ACTL8: variants seen among roughly 807,000 people sequenced by gnomAD.
ACTL8 encodes the protein actin like 8.
ACTL8 carries 3 observed loss-of-function variants against 9.3 expected under a neutral mutation model. The ratio of observed to expected loss-of-function variants is 0.32; its 90% CI spans 0.15 to 0.83. The LOEUF is 0.83. Ranked by LOEUF, ACTL8 falls within the 40% of genes least tolerant of loss-of-function variation. ACTL8 has a pLI of 0.57. For missense variants in ACTL8, 381 were observed against 492.2 expected (o/e 0.77, Z 2.14); for synonymous variants, 224 against 205.9 (o/e 1.09, Z -0.75).
chr1:17,823,850 C>G lies in ACTL8; in HGVS notation c.348+494C>G, dbSNP rs1261801250. ...GGGGAGCTCACGGAGGCCCCACCTGCAGACGGACATGCAGCAACCAACGTG... is the reference window on the plus strand; with the variant it reads ...GGGGAGCTCACGGAGGCCCCACCTGGAGACGGACATGCAGCAACCAACGTG... On this transcript the variant is annotated intron_variant, in intron 2 of 2. Coordinates refer to ENST00000375406, the MANE Select transcript of ACTL8 (RefSeq NM_030812.3). The surrounding 1 kb of genome is among the most constrained non-coding windows in gnomAD (Gnocchi z 5.3). Among the ~76,000 whole-genome samples the G allele has an allele frequency of 6.6e-6, 1 of 152,198 alleles. No homozygotes were observed. The highest frequency in any genetic ancestry group is 1.5e-5 in the Non-Finnish European group (1 of 68,034).
intron 1 of ACTL8, among the ~76,000 whole-genome samples, chr1:17,790,615 C>T (rs2066232018): frequency 6.6e-6 from 1 of 152,200 alleles, no homozygotes. Flanking sequence ...CCAGAAAAGG[C>T]ACCACAAGTT....
intron 1 of ACTL8, among the ~76,000 whole-genome samples, chr1:17,798,986 C>T (rs532948941): frequency 5.3e-5 from 8 of 152,340 alleles, no homozygotes; most frequent in South Asian, 4.1e-4. Flanking sequence ...CACTCACGAG[C>T]GAGCTCTCCA....
chr1:17,769,309 T>C (rs1272852886), intron 1 of ACTL8, among the ~76,000 whole-genome samples: 1 of 152,016 alleles, frequency 6.6e-6, no homozygotes, highest in Non-Finnish European at 1.5e-5. Context: ...GGGGAGACTT[T>C]CTCCTTGTCA....
rs3063168 is a variant in ACTL8 at position 17,796,306 on chromosome 1, C to CTGTGTGTGTGTG, written c.-24-26659_-24-26648dup. On this transcript the variant is annotated intron_variant, in intron 1 of 2. Coordinates refer to ENST00000375406, the MANE Select transcript of ACTL8 (RefSeq NM_030812.3). The stretch of plus-strand genomic sequence containing the variant: ...AGGATGGCTCTGTGCATGCGTGCAC[C>CTGTGTGTGTGTG]TGTGTGTGTGTGTGTGTGTGTGTGT... Among the ~76,000 whole-genome samples, 335 of 148,046 alleles carry CTGTGTGTGTGTG rather than the reference C, an allele frequency of 2.3e-3. 1 individual carries two copies. The highest frequency in any genetic ancestry group is 4.8e-3 in the African/African-American group (192 of 40,252).
At chr1:17,801,188 T>G (rs908984821) in intron 1 of ACTL8, among the ~76,000 whole-genome samples, 2 of 152,222 alleles carry the variant, frequency 1.3e-5, no homozygotes, top group African/African-American at 4.8e-5. Context: ...ATGACAGCTC[T>G]ATAGAGCTAG....
At chr1:17,817,189 A>ATTTTTTTTTTT in intron 1 of ACTL8, among the ~76,000 whole-genome samples, 1 of 136,818 alleles carries the variant, frequency 7.3e-6, no homozygotes, top group Non-Finnish European at 1.6e-5. Flanking sequence ...CCTTAATGCC[A>ATTTTTTTTTTT]TTTTTTTTTT....
chr1:17,776,038 CTCACCCAGG>C (rs1039897635), intron 1 of ACTL8, among the ~76,000 whole-genome samples: 5 of 152,202 alleles, frequency 3.3e-5, no homozygotes, highest in African/African-American at 1.2e-4. Context: ...AGTGAAGTCT[CTCACCCAGG>C]TCACATAGCC....
At chr1:17,825,555 G>A (rs936152501) in intron 2 of ACTL8, among the ~76,000 whole-genome samples, 1 of 152,126 alleles carries the variant, frequency 6.6e-6, no homozygotes, top group Non-Finnish European at 1.5e-5. Context: ...GAACAGCCAC[G>A]ACCAGACAAG....
At chr1:17,756,451 T>C (rs1331855723) in intron 1 of ACTL8, among the ~76,000 whole-genome samples, 1 of 152,192 alleles carries the variant, frequency 6.6e-6, no homozygotes, top group Non-Finnish European at 1.5e-5. Flanking sequence ...CCATCTCAGC[T>C]CTGTGGGTTG....
chr1:17,802,241 A>T (rs2066326915), intron 1 of ACTL8, among the ~76,000 whole-genome samples: 1 of 152,146 alleles, frequency 6.6e-6, no homozygotes, highest in South Asian at 2.1e-4. Context: ...TGTCGACAGC[A>T]CTACATACAA....
At position 17,826,154 on chromosome 1, in the gene ACTL8, G is replaced by T; in HGVS notation, c.736G>T (p.Val246Leu). ...NTYQLPDGSR[V>L]ELTPMQRVAP... ...CTATCAGCTCCCAGACGGCTCCCGC[G>T]TGGAGCTGACCCCCATGCAGCGGGT... is the stretch of plus-strand genomic sequence containing the variant. Residue 246 changes from valine (V) to leucine (L), a missense_variant, in exon 3 of 3, where the codon GTG becomes TTG. Val to Leu is a conservative substitution (Grantham distance 32). Around this residue, in one of 3 missense-constraint regions of ACTL8, gnomAD observed 243 missense variants for 276.2 expected, o/e 0.88. Transcript: ENST00000375406. The surrounding 1 kb of genome is among the most constrained non-coding windows in gnomAD (Gnocchi z 4.5). The T allele has an allele frequency of 6.2e-7, 1 of 1,612,240 alleles. No individual in the cohort carries two copies.
At chr1:17,812,675 T>C (rs2066401423) in intron 1 of ACTL8, among the ~76,000 whole-genome samples, 1 of 151,474 alleles carries the variant, frequency 6.6e-6, no homozygotes, top group South Asian at 2.1e-4. Flanking sequence ...TGTATTTTAG[T>C]AGAGATGGGG....
At chr1:17,808,537 T>A (rs527924942) in intron 1 of ACTL8, among the ~76,000 whole-genome samples, 1 of 152,236 alleles carries the variant, frequency 6.6e-6, no homozygotes, top group Admixed American at 6.5e-5. Context: ...CTGTCACTTC[T>A]CTAAGCCTCA....
Position 17,823,586 on chromosome 1 carries a change from A to G in ACTL8, c.348+230A>G, listed in dbSNP as rs1191059124. 6.6e-6 allele frequency among the ~76,000 whole-genome samples: 1 copy of G among 152,102 alleles called. No individual in the cohort carries two copies. The highest frequency in any genetic ancestry group is 1.5e-5 in the Non-Finnish European group (1 of 68,008). On this transcript the variant is annotated intron_variant, in intron 2 of 2. Transcript: ENST00000375406. This position sits in a 1 kb window ranked among gnomAD's most constrained non-coding sequence, Gnocchi z 5.3. ...AGTGAGACCCCTGTCTCTATAAAAA[A>G]TACAAAAATTAGCCAGGTGTGGTCC...
At chr1:17,785,390 A>G (rs1352410217) in intron 1 of ACTL8, among the ~76,000 whole-genome samples, 2 of 152,222 alleles carry the variant, frequency 1.3e-5, no homozygotes, top group Non-Finnish European at 2.9e-5. Flanking sequence ...TTGACTGGAA[A>G]GGTTCCATTC....
chr1:17,795,589 A>G (rs6695001), intron 1 of ACTL8, among the ~76,000 whole-genome samples: 33,425 of 152,170 alleles, frequency 0.22, 4,593 homozygotes, highest in Admixed American at 0.38. Flanking sequence ...AAAACTCTTT[A>G]AGAGGAAACG....
chr1:17,764,100 G>A (rs749863382), intron 1 of ACTL8, among the ~76,000 whole-genome samples: 3 of 152,166 alleles, frequency 2.0e-5, no homozygotes, highest in Non-Finnish European at 4.4e-5. Context: ...GGGGGTGGGG[G>A]TGCTGGTGCT....
At chr1:17,817,700 T>C (rs2066437189) in intron 1 of ACTL8, among the ~76,000 whole-genome samples, 1 of 113,118 alleles carries the variant, frequency 8.8e-6, no homozygotes, top group African/African-American at 3.1e-5. Flanking sequence ...CTTTTTTCTT[T>C]CTTTCTTTTC....
chr1:17,793,735 G>A (rs1249494474), intron 1 of ACTL8, among the ~76,000 whole-genome samples: 1 of 152,150 alleles, frequency 6.6e-6, no homozygotes, highest in Non-Finnish European at 1.5e-5. Flanking sequence ...GTGATCTTCT[G>A]CTGTGGTGGC....
Sources: allele counts gnomAD v4.1 joint callset (sites outside exome capture counted in the v4.1 genomes callset), GRCh38; gene constraint gnomAD v4.1.1; regional missense constraint gnomAD v4.1.1; non-coding constraint Gnocchi (gnomAD v3.1); transcripts MANE v1.5; gene names NCBI Gene and HGNC (gene_info 2026-07-23, HGNC 2026-07-21).